The following DIP2C variants were observed in gnomAD, a reference collection of about 807,000 sequenced individuals.
DIP2C encodes the protein DIP2 acetate--CoA ligase C (putative), also known as disco-interacting protein 2 homolog C.
DIP2C carries 33 observed loss-of-function variants against 192.4 expected under a neutral mutation model. The ratio of observed to expected loss-of-function variants is 0.17; its 90% confidence interval spans 0.13 to 0.23. DIP2C has a LOEUF of 0.23. Among genes scored for constraint, DIP2C ranks in the 10% least tolerant of loss-of-function variants. The pLI is 1.00. For missense variants in DIP2C, 1,537 were observed against 2,110.1 expected, an observed-to-expected ratio of 0.73 and a Z score of 5.32; for synonymous variants, 979 against 864.1, an observed-to-expected ratio of 1.13 and a Z score of -2.33.
intron 1 of DIP2C, among the ~76,000 whole-genome samples, chr10:623,848 G>A (rs1854032619): frequency 6.6e-6 from 1 of 152,168 alleles, no homozygotes; most frequent in East Asian, 1.9e-4. Flanking sequence ...CCCTATGAAT[G>A]CTGCCAAAAT....
At chr10:482,868 T>A (rs1056085820) in intron 2 of DIP2C, among the ~76,000 whole-genome samples, 4 of 152,226 alleles carry the variant, frequency 2.6e-5, no homozygotes, top group Non-Finnish European at 4.4e-5. Flanking sequence ...AGGGATGGGT[T>A]TGAACCGCAG....
At chr10:494,319 A>C (rs996632677) in intron 1 of DIP2C, among the ~76,000 whole-genome samples, 1 of 152,202 alleles carries the variant, frequency 6.6e-6, no homozygotes, top group Non-Finnish European at 1.5e-5. Context: ...CTCCATGGTC[A>C]CTGTGTGTTC....
intron 32 of DIP2C, among the ~76,000 whole-genome samples, chr10:288,816 C>G (rs1260512066): frequency 6.6e-6 from 1 of 152,226 alleles, no homozygotes; most frequent in Non-Finnish European, 1.5e-5. Context: ...GGGTGGAAGG[C>G]AGGGCCAGGT....
rs1170876258 is a variant in DIP2C at position 408,966 on chromosome 10, A to G, written c.1109T>C (p.Leu370Ser). 1.2e-6 allele frequency: 2 copies of G among 1,614,204 alleles called. No individual in the cohort carries two copies. The highest frequency in any genetic ancestry group is 2.2e-5 in the East Asian group (1 of 44,886). ...MKVAYSILHK[L>S]GTKQEPMVRP... The stretch of plus-strand genomic sequence containing the variant: ...GACCATGGGTTCCTGCTTTGTGCCT[A>G]ATTTGTGTAGAATGCTGTAAGCGAC... Residue 370 changes from leucine to serine, a missense_variant, in exon 9 of 37, where the codon TTA (leucine) becomes TCA (serine). Around this residue, in one of 4 missense-constraint regions of DIP2C, gnomAD observed 473 missense variants for 539.6 expected, o/e 0.88. Transcript: ENST00000280886.
At chr10:472,682 G>C (rs1282106612) in intron 2 of DIP2C, 133 bp from the exon 3 acceptor site, 1 of 752,908 alleles carries the variant, frequency 1.3e-6, no homozygotes, top group Non-Finnish European at 2.2e-6. Context: ...CGGCGCCTCA[G>C]AGCCCACAGA....
intron 3 of DIP2C, among the ~76,000 whole-genome samples, chr10:462,207 C>T (rs919759325): frequency 6.6e-6 from 1 of 151,422 alleles, no homozygotes; most frequent in African/African-American, 2.4e-5. Flanking sequence ...GACAGAGACA[C>T]GAAAAACTCT....
At chr10:385,155 C>T (rs1009376404) in intron 14 of DIP2C, among the ~76,000 whole-genome samples, 2 of 138,548 alleles carry the variant, frequency 1.4e-5, no homozygotes, top group African/African-American at 5.6e-5. Context: ...GCACGGGACC[C>T]GAGGATCAGC....
intron 1 of DIP2C, among the ~76,000 whole-genome samples, chr10:497,683 G>GT (rs1361864293): frequency 6.6e-6 from 1 of 152,206 alleles, no homozygotes; most frequent in Non-Finnish European, 1.5e-5. Flanking sequence ...TCTGACACAC[G>GT]TAAGACCATG....
At chr10:440,797 C>T (rs967728763) in intron 4 of DIP2C, 74 bp downstream of exon 4, 1 of 1,515,168 alleles carries the variant, frequency 6.6e-7, no homozygotes, top group Non-Finnish European at 8.8e-7. Flanking sequence ...GCAAAAACCC[C>T]TGATTGCTGG....
In DIP2C at chr10:422,866, C is replaced by T. The variant is rs1564693527; in HGVS notation, c.562G>A (p.Ala188Thr). ...SSSTQSGGSG[A>T]AHRLADVMAQ... Reference sequence around the variant, plus strand: ...ATGACGTCCGCCAGCCTGTGGGCAGCCCCGCTGCCCCCGCTCTGCGTAGAG... The same window carrying T: ...ATGACGTCCGCCAGCCTGTGGGCAGTCCCGCTGCCCCCGCTCTGCGTAGAG... Residue 188 changes from alanine (A) to threonine (T), a missense_variant, in exon 5 of 37, where the codon GCT becomes ACT. Ala to Thr is a moderately conservative substitution (Grantham distance 58). Transcript: ENST00000280886. 9.9e-6 allele frequency: 16 copies of T among 1,612,990 alleles called. No homozygotes were observed. In the East Asian group the frequency reaches 3.6e-4, roughly 36 times the overall value.
chr10:482,380 G>A (rs1261065831), intron 2 of DIP2C, among the ~76,000 whole-genome samples: 3 of 152,172 alleles, frequency 2.0e-5, no homozygotes, highest in Non-Finnish European at 2.9e-5. Flanking sequence ...GGCTGCTCAC[G>A]CGACCCCATG....
At chr10:330,895 C>T (rs7100593) in intron 29 of DIP2C, among the ~76,000 whole-genome samples, 1,625 of 151,156 alleles carry the variant, frequency 0.011, 37 homozygotes, top group African/African-American at 0.037. Context: ...TCATTATAAC[C>T]TCTGCCTTTC....
intron 13 of DIP2C, among the ~76,000 whole-genome samples, chr10:389,394 T>C (rs1437084559): frequency 6.6e-6 from 1 of 152,048 alleles, no homozygotes; most frequent in Non-Finnish European, 1.5e-5. Context: ...TCAAGTTCCC[T>C]CCACTCACTT....
At chr10:578,810 C>T (rs1461440696) in intron 1 of DIP2C, among the ~76,000 whole-genome samples, 1 of 143,144 alleles carries the variant, frequency 7.0e-6, no homozygotes, top group Non-Finnish European at 1.5e-5. Context: ...AACATGTGTG[C>T]ATGCATAGAG....
intron 1 of DIP2C, among the ~76,000 whole-genome samples, chr10:547,780 A>T (rs1386711713): frequency 6.6e-6 from 1 of 152,068 alleles, no homozygotes; most frequent in African/African-American, 2.4e-5. Flanking sequence ...ATAAAATCTC[A>T]GTCACGTCCC....
At chr10:351,004 C>G (rs535499511) in intron 24 of DIP2C, among the ~76,000 whole-genome samples, 2 of 151,220 alleles carry the variant, frequency 1.3e-5, no homozygotes, top group Non-Finnish European at 2.9e-5. Flanking sequence ...AGGGATGGAG[C>G]GCGCGGCGGG....
chr10:621,153 C>T lies in DIP2C; in HGVS notation c.85+68341G>A, dbSNP rs181370518. ...TGACGGACTCAACACAGGCACAGGG[C>T]CGCCCGACGCAACGGGCCACGTATT... On this transcript the variant is annotated intron_variant, in intron 1 of 36. Coordinates refer to ENST00000280886, the MANE Select transcript of DIP2C (RefSeq NM_014974.3). Among the ~76,000 whole-genome samples the T allele has an allele frequency of 2.6e-5, 4 of 152,272 alleles. No individual in the cohort carries two copies. The East Asian group carries it at 7.7e-4, about 29-fold the overall frequency.
intron 1 of DIP2C, among the ~76,000 whole-genome samples, chr10:503,503 AAAG>A (rs1366023792): frequency 6.6e-6 from 1 of 152,240 alleles, no homozygotes; most frequent in African/African-American, 2.4e-5. Context: ...CAAGGGCTAC[AAAG>A]ATGTATCTTA....
chr10:604,665 C>T (rs758274055), intron 1 of DIP2C, among the ~76,000 whole-genome samples: 4 of 152,148 alleles, frequency 2.6e-5, no homozygotes, highest in African/African-American at 7.2e-5. Flanking sequence ...AGTTTTTATC[C>T]AAAAAGTTCT....
Sources: allele counts gnomAD v4.1 joint callset (sites outside exome capture counted in the v4.1 genomes callset), GRCh38; gene constraint gnomAD v4.1.1; regional missense constraint gnomAD v4.1.1; transcripts MANE v1.5; gene names NCBI Gene and HGNC (gene_info 2026-07-23, HGNC 2026-07-21).